The following GMPS variants were observed in gnomAD, a reference collection of about 807,000 sequenced individuals.
GMPS encodes the protein GMP synthase [glutamine-hydrolyzing].
Under a neutral mutation model 77.9 loss-of-function variants are expected in GMPS, and 15 were observed. The ratio of observed to expected loss-of-function variants is 0.19; its 90% CI spans 0.13 to 0.30. The LOEUF is 0.30. Ranked by LOEUF, GMPS falls within the 10% of genes least tolerant of loss-of-function variation. The pLI is 1.00. For missense variants in GMPS, 590 were observed against 838.8 expected, an observed-to-expected ratio of 0.70 and a Z score of 3.66; for synonymous variants, 224 against 275.9, an observed-to-expected ratio of 0.81 and a Z score of 1.86.
At chr3:155,894,751 C>G (rs1314213860) in intron 2 of GMPS, among the ~76,000 whole-genome samples, 2 of 152,126 alleles carry the variant, frequency 1.3e-5, no homozygotes, top group African/African-American at 4.8e-5. Context: ...GACATGTGTG[C>G]ATTATCCTGT....
At chr3:155,900,299 GA>G (rs1754705104) in intron 3 of GMPS, among the ~76,000 whole-genome samples, 1 of 151,046 alleles carries the variant, frequency 6.6e-6, no homozygotes, top group Non-Finnish European at 1.5e-5. Flanking sequence ...CAAAAAGAAA[GA>G]TTTTTTTCCA....
intron 1 of GMPS, 120 bp downstream of exon 1, chr3:155,871,017 C>A: frequency 1.1e-6 from 1 of 917,262 alleles, no homozygotes. Flanking sequence ...CAGCCCTGCG[C>A]CCCGGGCAGC....
At chr3:155,922,922 G>A (rs1223960369) in intron 11 of GMPS, among the ~76,000 whole-genome samples, 1 of 152,118 alleles carries the variant, frequency 6.6e-6, no homozygotes, top group African/African-American at 2.4e-5. Context: ...AGTTAGGCAA[G>A]GAAAAATGCA....
rs1254719825 is a variant in GMPS, at chr3:155,914,575, C to T, written c.1038+5C>T. The T allele has an allele frequency of 2.1e-5, 32 of 1,551,668 alleles. No homozygotes were observed. Among genetic ancestry groups the T allele is most frequent in the Non-Finnish European group, 2.5e-5 (29 of 1,149,342 alleles). On this transcript the variant is annotated splice_donor_5th_base_variant and intron_variant, in intron 8 of 15. Coordinates refer to ENST00000496455, the MANE Select transcript of GMPS (RefSeq NM_003875.3). ...ATTGGGGATACTTTTGTTAAGGTAC[C>T]TTTGTTTTTAATATCCTCAACATGT...
At chr3:155,927,333 G>C (rs62287761) in intron 12 of GMPS, among the ~76,000 whole-genome samples, 8,291 of 152,218 alleles carry the variant, frequency 0.054, 317 homozygotes, top group East Asian at 0.18. Flanking sequence ...AAAAGTTTCT[G>C]AGTTTTAAGT....
chr3:155,877,631 C>T (rs532224869), intron 1 of GMPS, among the ~76,000 whole-genome samples: 5 of 151,972 alleles, frequency 3.3e-5, no homozygotes, highest in East Asian at 1.9e-4. Flanking sequence ...CTGTTGGGGC[C>T]GCTAAAACAA....
rs1220400998 is a variant in GMPS at position 155,908,486 on chromosome 3, G to GT, written c.527-2200dup. Among the ~76,000 whole-genome samples, 4 of 152,326 alleles carry GT rather than the reference G, an allele frequency of 2.6e-5. No individual in the cohort carries two copies. In the South Asian group the frequency reaches 8.3e-4, roughly 32 times the overall value. On this transcript the variant is annotated intron_variant, in intron 5 of 15. Coordinates refer to ENST00000496455, the MANE Select transcript of GMPS (RefSeq NM_003875.3). ...TTCCTGGTCATGTGAAAAGAACCCG[G>GT]TTTTTTCTACAGCAGTAGAAGAGGA...
chr3:155,931,711 A>G, intron 12 of GMPS, 54 bp from the exon 13 acceptor site: 1 of 687,698 alleles, frequency 1.5e-6, no homozygotes, highest in Non-Finnish European at 2.5e-6. Context: ...TTGTCAAGTT[A>G]AACTGGTGTA....
intron 8 of GMPS, among the ~76,000 whole-genome samples, chr3:155,915,482 A>C (rs1353574851): frequency 6.6e-6 from 1 of 152,008 alleles, no homozygotes; most frequent in African/African-American, 2.4e-5. Flanking sequence ...GCTCACTGCA[A>C]ACTTTGCCTC....
chr3:155,931,637 G>T, intron 12 of GMPS, 128 bp from the exon 13 acceptor site: 1 of 494,606 alleles, frequency 2.0e-6, no homozygotes, highest in Non-Finnish European at 3.5e-6. Flanking sequence ...CATTAATAAT[G>T]TCACCATGCA....
chr3:155,915,896 T>C lies in GMPS; in HGVS notation c.1039-123T>C, dbSNP rs141292821. 210 of 650,784 alleles carry C rather than the reference T, an allele frequency of 3.2e-4. 2 individuals carry two copies. The African/African-American group carries it at 3.4e-3, about 11-fold the overall frequency. 40.3% of individuals were successfully genotyped at this position (650,784 alleles called of 1,614,324 possible). ...TCATTAAGGAGTTTATTTTGGAGATTGGTGGATTTTATTTTCTGATCAGTA... is the reference window on the plus strand; with the variant it reads ...TCATTAAGGAGTTTATTTTGGAGATCGGTGGATTTTATTTTCTGATCAGTA... On this transcript the variant is annotated intron_variant, in intron 8 of 15. Coordinates refer to ENST00000496455, the MANE Select transcript of GMPS (RefSeq NM_003875.3).
rs1395147724 is a variant in GMPS, at chr3:155,919,322, C to T, written c.1302C>T (p.Ser434=). Residue 434 remains serine, a synonymous_variant, in exon 10 of 16, where the codon TCC becomes TCT. Coordinates refer to ENST00000496455, the MANE Select transcript of GMPS (RefSeq NM_003875.3). Reference sequence around the variant, plus strand: ...TTGGACTTCCAGAAGAGTTAGTTTCCAGGCATCCATTTCCAGGTAAAAATT... The same window carrying T: ...TTGGACTTCCAGAAGAGTTAGTTTCTAGGCATCCATTTCCAGGTAAAAATT... ...RELGLPEELV[S]RHPFPGPGLA... 1.3e-6 allele frequency: 2 copies of T among 1,564,550 alleles called. No individual in the cohort carries two copies. Among genetic ancestry groups the T allele is most frequent in the East Asian group, 4.5e-5 (2 of 44,226 alleles).
At chr3:155,891,875 C>T (rs925972688) in intron 1 of GMPS, among the ~76,000 whole-genome samples, 3 of 151,904 alleles carry the variant, frequency 2.0e-5, no homozygotes, top group Admixed American at 6.6e-5. Flanking sequence ...CAAAGTGCTG[C>T]GATTACAGCT....
intron 15 of GMPS, among the ~76,000 whole-genome samples, chr3:155,936,917 T>G (rs912464968): frequency 2.0e-5 from 3 of 152,184 alleles, no homozygotes; most frequent in Non-Finnish European, 2.9e-5. Flanking sequence ...CCAACTCAAT[T>G]TTTGATCCTT....
chr3:155,883,205 A>G (rs1754251025), intron 1 of GMPS, among the ~76,000 whole-genome samples: 1 of 151,964 alleles, frequency 6.6e-6, no homozygotes, highest in Non-Finnish European at 1.5e-5. Flanking sequence ...CCGAGTAACT[A>G]AAACTGTAGG....
chr3:155,879,856 G>A (rs1468230054), intron 1 of GMPS, among the ~76,000 whole-genome samples: 1 of 149,730 alleles, frequency 6.7e-6, no homozygotes, highest in Non-Finnish European at 1.5e-5. Flanking sequence ...TCAGCCTCCT[G>A]AGTAGCTGGG....
chr3:155,916,149 C>T lies in GMPS; in HGVS notation c.1169C>T (p.Thr390Ile). ...AGTGGCAAAGCTGAACTCATCAAAA[C>T]CCATCACAATGACACAGAGCTCATC... The part of the protein sequence containing the change: ...VASGKAELIK[T>I]HHNDTELIRK... Residue 390 changes from threonine (T) to isoleucine (I), a missense_variant, in exon 9 of 16, where the codon ACC becomes ATC. Coordinates refer to ENST00000496455, the MANE Select transcript of GMPS (RefSeq NM_003875.3). 1 of 1,613,568 alleles carries T rather than the reference C, an allele frequency of 6.2e-7. No homozygotes were observed. Among genetic ancestry groups the T allele is most frequent in the Admixed American group, 1.7e-5 (1 of 59,994 alleles).
At chr3:155,917,527 C>G (rs952002147) in intron 9 of GMPS, among the ~76,000 whole-genome samples, 11 of 152,116 alleles carry the variant, frequency 7.2e-5, no homozygotes, top group African/African-American at 2.2e-4. Flanking sequence ...TTTCACTTAG[C>G]ATAATGTCCT....
At chr3:155,916,480 G>T (rs550798389) in intron 9 of GMPS, among the ~76,000 whole-genome samples, 1 of 151,728 alleles carries the variant, frequency 6.6e-6, no homozygotes, top group East Asian at 1.9e-4. Flanking sequence ...CTATAGATTT[G>T]CTTATTTTGG....
Sources: gnomAD v4.1 joint callset for allele counts (sites outside exome capture counted in the v4.1 genomes callset) on GRCh38, gnomAD v4.1.1 for gene constraint, MANE v1.5 for transcripts, NCBI Gene and HGNC (gene_info 2026-07-23, HGNC 2026-07-21) for gene names.